SPG11: variants seen among roughly 807,000 people sequenced by gnomAD.
SPG11 encodes the protein SPG11 vesicle trafficking associated, spatacsin.
SPG11 carries 222 observed loss-of-function variants against 274.0 expected under a neutral mutation model. The ratio of observed to expected loss-of-function variants is 0.81; its 90% CI spans 0.73 to 0.91. The LOEUF is 0.91. Ranked by LOEUF, SPG11 falls within the 40% of genes least tolerant of loss-of-function variation. The probability of loss-of-function intolerance (pLI) is 0.00; values close to 1 mark genes in which losing one functional copy is unlikely to be tolerated. For synonymous variants in SPG11, 1,144 were observed against 1,039.7 expected, an observed-to-expected ratio of 1.10 and a Z score of -1.93; for missense variants, 3,114 against 2,872.7, an observed-to-expected ratio of 1.08 and a Z score of -1.92.
At chr15:44,587,868 G>A (rs1234365128) in intron 28 of SPG11, among the ~76,000 whole-genome samples, 1 of 151,898 alleles carries the variant, frequency 6.6e-6, no homozygotes, top group African/African-American at 2.4e-5. Flanking sequence ...ATAGATTATG[G>A]CAAACAACAG....
Position 44,583,901 on chromosome 15 carries a change from G to A in SPG11, c.5779C>T (p.Leu1927=). 1 of 1,614,196 alleles carries A rather than the reference G, an allele frequency of 6.2e-7. No homozygotes were observed. The highest frequency in any genetic ancestry group is 8.5e-7 in the Non-Finnish European group (1 of 1,180,030). The stretch of plus-strand genomic sequence containing the variant: ...AGGAGAGCATGGATCTCTGGGTGCA[G>A]ATCCTCCATACTAGCTTCCCCTGAG... ...LASGEASMED[L]HPEIHALLQS... is the part of the protein sequence containing the mutation. The change falls in exon 30 of 40, where the codon CTG becomes TTG. Residue 1927 remains leucine, a synonymous_variant. Coordinates refer to ENST00000261866, the MANE Select transcript of SPG11 (RefSeq NM_025137.4).
chr15:44,626,429 G>A lies in SPG11; in HGVS notation c.2146C>T (p.Gln716Ter), dbSNP rs312262737. 5.0e-6 allele frequency: 8 copies of A among 1,613,824 alleles called. No homozygotes were observed. In the South Asian group the frequency reaches 8.8e-5, roughly 18 times the overall value. ...ATGCCAATAAGCTCCTCAAGTTTTT[G>A]AGCAGAATGACTATCAATCCTGAAG... ...TFFRIDSHSA[Q>*]KLEELIGIGL... is the part of the protein sequence containing the mutation. The change falls in exon 11 of 40, where the codon CAA becomes TAA. Residue 716 changes from glutamine (Q) to a stop codon, truncating the protein, a stop_gained. Coordinates refer to ENST00000261866, the MANE Select transcript of SPG11 (RefSeq NM_025137.4). LOFTEE classifies it high-confidence loss of function.
intron 16 of SPG11, 62 bp from the exon 17 acceptor site, chr15:44,613,598 A>ATT: frequency 4.4e-6 from 5 of 1,130,896 alleles, no homozygotes; most frequent in Non-Finnish European, 6.7e-6. Context: ...AATTACAACC[A>ATT]TTTTGCTCAG....
rs528018764 is a variant in SPG11 at position 44,574,960 on chromosome 15, T to A, written c.5948A>T (p.Lys1983Ile). ...ACAGTAGTTCTTCCCATGGAGGCAT[T>A]TGCTTGTCAGCACTTCCAGGTTAGT... The part of the protein sequence containing the change: ...VVTNLEVLTS[K>I]CLHGKNYCRQ... Residue 1983 changes from lysine to isoleucine, a missense_variant, in exon 31 of 40, where the codon AAA becomes ATA. By Grantham distance (102) the Lys-to-Ile change is moderately radical. Coordinates refer to ENST00000261866, the MANE Select transcript of SPG11 (RefSeq NM_025137.4). 3 of 1,614,042 alleles carry A rather than the reference T, an allele frequency of 1.9e-6. No individual in the cohort carries two copies. Among genetic ancestry groups the A allele is most frequent in the Non-Finnish European group, 2.5e-6 (3 of 1,180,038 alleles).
Position 44,663,408 on chromosome 15 carries a change from C to A in SPG11, c.240G>T (p.Leu80=), listed in dbSNP as rs758918688. The change falls in exon 1 of 40, where the codon CTG becomes CTT. Residue 80 remains leucine, a synonymous_variant. Transcript: ENST00000261866. ...PGSRGGGRCC[L]EGPFWHFLWE... Reference sequence around the variant, plus strand: ...GCACTTACTGCCAGAAGGGGCCCTCCAGGCAGCAGCGACCCCCGCCCCGGC... The same window carrying A: ...GCACTTACTGCCAGAAGGGGCCCTCAAGGCAGCAGCGACCCCCGCCCCGGC... 1.2e-6 allele frequency: 2 copies of A among 1,607,424 alleles called. No homozygotes were observed. Among genetic ancestry groups the A allele is most frequent in the African/African-American group, 1.3e-5 (1 of 74,782 alleles).
Position 44,567,444 on chromosome 15 carries a change from A to C in SPG11, c.6734T>G (p.Leu2245Trp), listed in dbSNP as rs773487458. 1 of 1,613,710 alleles carries C rather than the reference A, an allele frequency of 6.2e-7. No homozygotes were observed. Among genetic ancestry groups the C allele is most frequent in the Non-Finnish European group, 8.5e-7 (1 of 1,179,954 alleles). The change falls in exon 36 of 40, where the codon TTG becomes TGG. Residue 2245 changes from leucine to tryptophan, a missense_variant. By Grantham distance (61) the Leu-to-Trp change is moderately conservative. Transcript: ENST00000261866. ...CTCACCCCAGGGCTGAGACTCAATC[A>C]ATTTCAGTTGGATGCGGGCAGCTGC... is the stretch of plus-strand genomic sequence containing the variant. Reference protein sequence around the residue: ...HEAAARIQLKLIESQPWEDSL... With the variant: ...HEAAARIQLKWIESQPWEDSL...
chr15:44,600,477 G>A lies in SPG11; in HGVS notation c.3676C>T (p.Pro1226Ser). The change falls in exon 21 of 40, where the codon CCC (proline) becomes TCC (serine). Residue 1226 changes from proline (P) to serine (S), a missense_variant. Physicochemically the swap from Pro to Ser is moderately conservative, Grantham distance 74. Transcript: ENST00000261866. ...ATTTTAAATACTCACAGCTGCTTGG[G>A]AGTCTTGCTCTTGATTAATTCCTGG... ...LVQELIKSKT[P>S]KQLIQQVGNE... is the part of the protein sequence containing the mutation. 6.2e-7 allele frequency: 1 copy of A among 1,614,002 alleles called. No homozygotes were observed. Among genetic ancestry groups the A allele is most frequent in the Non-Finnish European group, 8.5e-7 (1 of 1,179,970 alleles).
rs1364395404 is a variant in SPG11 at position 44,606,063 on chromosome 15, A to C, written c.3482T>G (p.Leu1161Trp). 6.2e-7 allele frequency: 1 copy of C among 1,613,746 alleles called. No individual in the cohort carries two copies. Among genetic ancestry groups the C allele is most frequent in the East Asian group, 2.2e-5 (1 of 44,802 alleles). Residue 1161 changes from leucine (L) to tryptophan (W), a missense_variant, in exon 20 of 40, where the codon TTG becomes TGG. Transcript: ENST00000261866. ...TGTGTTAGCAGACTGCCAGCCAAAC[A>C]ATCTGCTAGGATCAAAGGGTGATAA... ...QSLSPFDPSR[L>W]FGWQSANTLA...
chr15:44,604,417 C>T (rs2083268037), intron 20 of SPG11, among the ~76,000 whole-genome samples: 2 of 152,112 alleles, frequency 1.3e-5, no homozygotes, highest in South Asian at 4.1e-4. Context: ...GAAATGAGCA[C>T]ATTTGAGTTT....
At position 44,622,810 on chromosome 15, in the gene SPG11, CAT is replaced by C. The variant is rs1344416314; in HGVS notation, c.2245-13_2245-12del. On this transcript the variant is annotated splice_polypyrimidine_tract_variant and intron_variant, in intron 11 of 39. Transcript: ENST00000261866. ...TTTTACATCAAACCCCTAAAATAAA[CAT>C]AGAAAACCAAAAAAAGTTACATTTT... is the stretch of plus-strand genomic sequence containing the variant. 6.2e-7 allele frequency: 1 copy of C among 1,607,130 alleles called. No homozygotes were observed. The highest frequency in any genetic ancestry group is 1.7e-5 in the Admixed American group (1 of 59,982).
intron 2 of SPG11, 104 bp from the exon 3 acceptor site, chr15:44,659,407 C>T: frequency 9.9e-7 from 1 of 1,012,664 alleles, no homozygotes; most frequent in Non-Finnish European, 1.5e-6. Flanking sequence ...AAAAAAGGAA[C>T]TGGACTTAGT....
In SPG11 at chr15:44,663,477, C is replaced by T. The variant is rs752630233; in HGVS notation, c.171G>A (p.Leu57=). 3.8e-6 allele frequency: 6 copies of T among 1,593,326 alleles called. No individual in the cohort carries two copies. The highest frequency in any genetic ancestry group is 3.4e-5 in the South Asian group (3 of 88,610). ...GCACTTGGAGGCTGCCCGCAGCCGT[C>T]AGGCTCCCCAGAGCCTCCGGCTGTG... ...LRTQPEALGS[L]TAAGSLQVLS... The change falls in exon 1 of 40, where the codon CTG becomes CTA. Residue 57 remains leucine (L), a synonymous_variant. Transcript: ENST00000261866.
chr15:44,586,394 CCAG>C (rs1469794014), intron 28 of SPG11, among the ~76,000 whole-genome samples: 1 of 151,978 alleles, frequency 6.6e-6, no homozygotes, highest in Non-Finnish European at 1.5e-5. Flanking sequence ...GCCTGTAATC[CCAG>C]CAGTTTGGGA....
rs757237014 is a variant in SPG11 at position 44,569,472 on chromosome 15, CGTT to C, written c.6508_6510del (p.Asn2170del). ...AGCAAATCAAATATGTATGTCATCTCGTTGTACCTTCCAATGCCAGTGAGGAGC... is the reference window on the plus strand; with the variant it reads ...AGCAAATCAAATATGTATGTCATCTCGTACCTTCCAATGCCAGTGAGGAGC... On this transcript the variant is annotated inframe_deletion, in exon 35 of 40. Coordinates refer to ENST00000261866, the MANE Select transcript of SPG11 (RefSeq NM_025137.4). The C allele has an allele frequency of 5.6e-6, 9 of 1,601,668 alleles. No homozygotes were observed. Among genetic ancestry groups the C allele is most frequent in the Non-Finnish European group, 6.8e-6 (8 of 1,173,472 alleles).
chr15:44,598,846 A>G lies in SPG11; in HGVS notation c.3687-10T>C, dbSNP rs1335583401. ...GCCTACTTGCTGGATCCTGAAAAAG[A>G]AAGGAATCAAAATCACATCAGCACA... On this transcript the variant is annotated splice_polypyrimidine_tract_variant and intron_variant, in intron 21 of 39. Transcript: ENST00000261866. The G allele has an allele frequency of 2.5e-6, 4 of 1,613,092 alleles. No homozygotes were observed. The highest frequency in any genetic ancestry group is 3.4e-6 in the Non-Finnish European group (4 of 1,179,222).
In SPG11 at chr15:44,631,352, G is replaced by GA. The variant is rs201155646; in HGVS notation, c.1736-1965dup. ...AAAGATGTCTATAGTATAAAGTGGG[G>GA]AAAAAACACAGATTATAAAACCGTA... On this transcript the variant is annotated intron_variant, in intron 8 of 39. Coordinates refer to ENST00000261866, the MANE Select transcript of SPG11 (RefSeq NM_025137.4). Among the ~76,000 whole-genome samples the GA allele has an allele frequency of 7.0e-3, 1,071 of 152,158 alleles. 14 individuals are homozygous for GA. Among genetic ancestry groups the GA allele is most frequent in the African/African-American group, 0.024 (995 of 41,526 alleles).
chr15:44,585,797 T>C lies in SPG11; in HGVS notation c.4960A>G (p.Ile1654Val), dbSNP rs1441180882. ...GTAATAATTGTATGATTAATGGCTA[T>C]GGATGTATCCTTCAAAATCTGGCAA... ...ILCQILKDTS[I>V]AINHTIITSY... The change falls in exon 29 of 40, where the codon ATA (isoleucine) becomes GTA (valine). Residue 1654 changes from isoleucine (I) to valine (V), a missense_variant. Transcript: ENST00000261866. 3.7e-6 allele frequency: 6 copies of C among 1,614,024 alleles called. No homozygotes were observed. The East Asian group carries it at 8.9e-5, about 24-fold the overall frequency.
In SPG11 at chr15:44,595,456, C is replaced by A. The variant is rs781337483; in HGVS notation, c.4438G>T (p.Ala1480Ser). The change falls in exon 26 of 40, where the codon GCC becomes TCC. Residue 1480 changes from alanine to serine, a missense_variant. Physicochemically the swap from Ala to Ser is moderately conservative, Grantham distance 99. Transcript: ENST00000261866. The stretch of plus-strand genomic sequence containing the variant: ...ACACAGAGACAAGAAATGGCACTGG[C>A]ACCCTGCCACGGGATAAATAAAATA... ...LSVLASCLQG[A>S]SAISCLCVWI... The A allele has an allele frequency of 6.2e-7, 1 of 1,614,078 alleles. No homozygotes were observed. Among genetic ancestry groups the A allele is most frequent in the South Asian group, 1.1e-5 (1 of 91,088 alleles).
chr15:44,593,067 T>C (rs1053192020), intron 26 of SPG11, among the ~76,000 whole-genome samples: 1 of 152,190 alleles, frequency 6.6e-6, no homozygotes, highest in Admixed American at 6.5e-5. Flanking sequence ...TTTCTTTTCC[T>C]TTTGGAAAAA....
Sources: gnomAD v4.1 joint callset for allele counts (sites outside exome capture counted in the v4.1 genomes callset) on GRCh38, gnomAD v4.1.1 for gene constraint, MANE v1.5 for transcripts, NCBI Gene and HGNC (gene_info 2026-07-23, HGNC 2026-07-21) for gene names.